NOTCH4: variants seen among roughly 807,000 people sequenced by gnomAD.
NOTCH4 encodes neurogenic locus notch homolog protein 4.
A neutral mutation model predicts 189.0 loss-of-function variants in NOTCH4; 138 were observed. That is an observed-to-expected ratio of 0.73 (90% CI 0.64 to 0.84). NOTCH4 has a LOEUF of 0.84. Ranked by LOEUF, NOTCH4 falls within the 40% of genes least tolerant of loss-of-function variation. NOTCH4 has a pLI of 0.00. For missense variants in NOTCH4, 2,286 were observed against 2,605.4 expected, an observed-to-expected ratio of 0.88 and a Z score of 2.67; for synonymous variants, 942 against 1,032.8, an observed-to-expected ratio of 0.91 and a Z score of 1.69.
chr6:32,195,428 T>C lies in NOTCH4; in HGVS notation c.*9A>G, dbSNP rs768985437. ...TCATTTTTGGAATTCCTCCCTACCA[T>C]GTATTCTTCTATTTTTTACCCTCTC... On this transcript the variant is annotated 3_prime_UTR_variant, in exon 30 of 30. Coordinates refer to ENST00000375023, the MANE Select transcript of NOTCH4 (RefSeq NM_004557.4). The surrounding 1 kb of genome is among the most constrained non-coding windows in gnomAD (Gnocchi z 5.4). 9 of 1,569,036 alleles carry C rather than the reference T, an allele frequency of 5.7e-6. No homozygotes were observed. The highest frequency in any genetic ancestry group is 5.6e-5 in the Admixed American group (3 of 53,922).
In NOTCH4 at chr6:32,216,977, G is replaced by A. The variant is rs113526716; in HGVS notation, c.1829C>T (p.Ala610Val). Residue 610 changes from alanine to valine, a missense_variant, in exon 11 of 30, where the codon GCC becomes GTC. Coordinates refer to ENST00000375023, the MANE Select transcript of NOTCH4 (RefSeq NM_004557.4). ...VGASCLDLPG[A>V]FFCLCPSGFT... ...ACCAGAGGGGCAGAGGCAAAAGAAG[G>A]CTCCTGGAAGATCAAGGCAGCTGGC... is the stretch of plus-strand genomic sequence containing the variant. 1 of 1,613,116 alleles carries A rather than the reference G, an allele frequency of 6.2e-7. No homozygotes were observed. Among genetic ancestry groups the A allele is most frequent in the African/African-American group, 1.3e-5 (1 of 75,062 alleles).
chr6:32,198,670 C>T lies in NOTCH4; in HGVS notation c.4596G>A (p.Glu1532=). ...TCACCTGGCCCACCTCCTCTCCCTC[C>T]TCAGGGCCTGAGCACATCACAACTC... ...EDGVVMCSGP[E]EGEEVGQAEE... is the part of the protein sequence containing the mutation. Residue 1532 remains glutamate, a synonymous_variant, in exon 25 of 30, where the codon GAG becomes GAA. Coordinates refer to ENST00000375023, the MANE Select transcript of NOTCH4 (RefSeq NM_004557.4). The surrounding 1 kb of genome is among the most constrained non-coding windows in gnomAD (Gnocchi z 5.5). 1 of 1,612,670 alleles carries T rather than the reference C, an allele frequency of 6.2e-7. No homozygotes were observed. The highest frequency in any genetic ancestry group is 1.1e-5 in the South Asian group (1 of 91,010).
chr6:32,197,144 C>A, intron 27 of NOTCH4, 72 bp from the exon 28 acceptor site: 2 of 1,562,872 alleles, frequency 1.3e-6, no homozygotes, highest in Non-Finnish European at 1.7e-6. Context: ...CACTATTAAC[C>A]CCACTCGCAA....
chr6:32,221,236 G>C lies in NOTCH4; in HGVS notation c.541C>G (p.His181Asp), dbSNP rs1428690048. ...TGGCCCTCGAAGCCCGGTGGGCAGT[G>C]GCACTGGATCTGGGGGTATGTGGCC... Reference protein sequence around the residue: ...CLATYPQIQCHCPPGFEGHAC... With the variant: ...CLATYPQIQCDCPPGFEGHAC... The change falls in exon 4 of 30, where the codon CAC becomes GAC. Residue 181 changes from histidine to aspartate, a missense_variant. Transcript: ENST00000375023. This position sits in a 1 kb window ranked among gnomAD's most constrained non-coding sequence, Gnocchi z 4.3. 6.2e-7 allele frequency: 1 copy of C among 1,612,976 alleles called. No individual in the cohort carries two copies. The highest frequency in any genetic ancestry group is 8.5e-7 in the Non-Finnish European group (1 of 1,180,022).
intron 7 of NOTCH4, 62 bp from the exon 8 acceptor site, chr6:32,219,848 A>T: frequency 2.9e-6 from 4 of 1,398,206 alleles, no homozygotes; most frequent in Non-Finnish European, 4.0e-6. Context: ...AGGAGGTGAG[A>T]CTGTCAGGGA....
rs774201468 is a variant in NOTCH4 at position 32,195,729 on chromosome 6, C to T, written c.5720G>A (p.Gly1907Glu). Residue 1907 changes from glycine to glutamate, a missense_variant, in exon 30 of 30, where the codon GGA becomes GAA. Transcript: ENST00000375023. This position sits in a 1 kb window ranked among gnomAD's most constrained non-coding sequence, Gnocchi z 5.4. ...CRSLSGVGAGGGPTPRGRRFS... is the reference protein window; with the variant it reads ...CRSLSGVGAGEGPTPRGRRFS... ...CCTACGGCCGCGAGGGGTCGGGCCT[C>T]CTCCTGCTCCTACTCCCGAGAGGCT... 15 of 1,612,632 alleles carry T rather than the reference C, an allele frequency of 9.3e-6. No homozygotes were observed. Among genetic ancestry groups the T allele is most frequent in the Non-Finnish European group, 1.3e-5 (15 of 1,179,924 alleles).
chr6:32,221,008 A>C lies in NOTCH4; in HGVS notation c.769T>G (p.Ser257Ala), dbSNP rs201225448. The change falls in exon 4 of 30, where the codon TCC (serine) becomes GCC (alanine). Residue 257 changes from serine (S) to alanine (A), a missense_variant. Ser to Ala is a moderately conservative substitution (Grantham distance 99). Around this residue, in one of 2 missense-constraint regions of NOTCH4, gnomAD observed 1,903 missense variants for 2,261.9 expected, o/e 0.84. Transcript: ENST00000375023. This position sits in a 1 kb window ranked among gnomAD's most constrained non-coding sequence, Gnocchi z 4.3. ...GGACAGAGGCAGAGGTGAAAGGTGG[A>C]GTCTTTCTCTGGCATCAGCTGGCAG... ...GTCQLMPEKD[S>A]TFHLCLCPPG... 381 of 1,606,202 alleles carry C rather than the reference A, an allele frequency of 2.4e-4. No homozygotes were observed. Among genetic ancestry groups the C allele is most frequent in the Non-Finnish European group, 3.2e-4 (371 of 1,175,134 alleles).
At position 32,201,258 on chromosome 6, in the gene NOTCH4, C is replaced by T. The variant is rs781289433; in HGVS notation, c.3998G>A (p.Arg1333His). ...GGGGTACACCATGTCCCTGCCATCA[C>T]GATCCTTCCTTACCCAGAGTCCTAC... ...LRVGLWVRKD[R>H]DGRDMVYPYP... The change falls in exon 22 of 30, where the codon CGT (arginine) becomes CAT (histidine). Residue 1333 changes from arginine to histidine, a missense_variant. Transcript: ENST00000375023. This position sits in a 1 kb window ranked among gnomAD's most constrained non-coding sequence, Gnocchi z 5.5. 6 of 1,613,066 alleles carry T rather than the reference C, an allele frequency of 3.7e-6. No homozygotes were observed. In the African/African-American group the frequency reaches 4.0e-5, roughly 11 times the overall value.
Position 32,201,675 on chromosome 6 carries a change from T to C in NOTCH4, c.3756-175A>G. The C allele has an allele frequency of 2.0e-6, 1 of 507,424 alleles. No individual in the cohort carries two copies. Among genetic ancestry groups the C allele is most frequent in the Non-Finnish European group, 3.3e-6 (1 of 307,030 alleles). The allele number at this position is 507,424 out of a possible 1,614,324, so 31.4% of individuals were successfully genotyped here. A position where few individuals can be genotyped will look rare whatever the true frequency, so the allele number is the denominator to read the frequency against. The stretch of plus-strand genomic sequence containing the variant: ...ATGGTAGTCCAGACACCCCAATGTC[T>C]GCTAACACCCCTGTCTCCCTAGACT... On this transcript the variant is annotated intron_variant, in intron 21 of 29. Transcript: ENST00000375023. The surrounding 1 kb of genome is among the most constrained non-coding windows in gnomAD (Gnocchi z 5.5).
Position 32,222,542 on chromosome 6 carries a change from G to A in NOTCH4, c.420C>T (p.Arg140=), listed in dbSNP as rs201860440. ...ATCCAGGCATGCAGGAGCACTGTGG[G>A]CGGCCCGAGGCCTGGATGTGGCAGC... ...RGRCHIQASG[R]PQCSCMPGWT... is the part of the protein sequence containing the mutation. Residue 140 remains arginine, a synonymous_variant, in exon 3 of 30, where the codon CGC becomes CGT. Coordinates refer to ENST00000375023, the MANE Select transcript of NOTCH4 (RefSeq NM_004557.4). 2 of 1,558,988 alleles carry A rather than the reference G, an allele frequency of 1.3e-6. No individual in the cohort carries two copies. Among genetic ancestry groups the A allele is most frequent in the Non-Finnish European group, 1.7e-6 (2 of 1,157,570 alleles).
Position 32,197,292 on chromosome 6 carries a change from T to C in NOTCH4, c.5052+7A>G. ...CATTCCCTGTAGGGACCTCAGTGTG[T>C]GCTAACCTGGCAGACCTCCCGAGCA... On this transcript the variant is annotated splice_region_variant and intron_variant, in intron 27 of 29. Coordinates refer to ENST00000375023, the MANE Select transcript of NOTCH4 (RefSeq NM_004557.4). 2 of 1,523,362 alleles carry C rather than the reference T, an allele frequency of 1.3e-6. No individual in the cohort carries two copies. Among genetic ancestry groups the C allele is most frequent in the East Asian group, 2.3e-5 (1 of 44,184 alleles). 94.4% of individuals were successfully genotyped at this position (1,523,362 alleles called of 1,614,324 possible).
chr6:32,209,359 G>A (rs1361035160), intron 18 of NOTCH4, among the ~76,000 whole-genome samples: 1 of 152,170 alleles, frequency 6.6e-6, no homozygotes, highest in Non-Finnish European at 1.5e-5. Context: ...AGGGTGGCAG[G>A]GAGGGGGAGA....
chr6:32,196,452 A>G, intron 28 of NOTCH4, 31 bp from the exon 29 acceptor site: 1 of 1,609,698 alleles, frequency 6.2e-7, no homozygotes, highest in Non-Finnish European at 8.5e-7. Flanking sequence ...TTGTTACCCC[A>G]GTTGGGGGCC....
In NOTCH4 at chr6:32,198,633, G is replaced by T. The variant is rs1361322333; in HGVS notation, c.4617+16C>A. ...CTTCCATCACCTCCAGACCATTCTT[G>T]CCCCAGCCCTTTCACCTGGCCCACC... On this transcript the variant is annotated intron_variant, in intron 25 of 29. Transcript: ENST00000375023. This position sits in a 1 kb window ranked among gnomAD's most constrained non-coding sequence, Gnocchi z 5.5. 4.3e-6 allele frequency: 7 copies of T among 1,610,934 alleles called. No individual in the cohort carries two copies. The highest frequency in any genetic ancestry group is 5.1e-6 in the Non-Finnish European group (6 of 1,178,992).
chr6:32,212,707 C>T lies in NOTCH4; in HGVS notation c.2527-80G>A. 2.0e-6 allele frequency: 3 copies of T among 1,514,434 alleles called. No homozygotes were observed. Among genetic ancestry groups the T allele is most frequent in the Non-Finnish European group, 8.9e-7 (1 of 1,122,006 alleles). The allele number at this position is 1,514,434 out of a possible 1,614,324, so 93.8% of individuals were successfully genotyped here. A position where few individuals can be genotyped will look rare whatever the true frequency, so the allele number is the denominator to read the frequency against. ...AGATGGTCCTCTGCCCACTCCAGCT[C>T]CTCGAAATCCCTTACTTCAAAAACC... is the stretch of plus-strand genomic sequence containing the variant. On this transcript the variant is annotated intron_variant, in intron 16 of 29. Transcript: ENST00000375023. This position sits in a 1 kb window ranked among gnomAD's most constrained non-coding sequence, Gnocchi z 4.4.
chr6:32,211,532 G>T (rs1329057605), intron 17 of NOTCH4, among the ~76,000 whole-genome samples: 1 of 151,986 alleles, frequency 6.6e-6, no homozygotes, highest in Non-Finnish European at 1.5e-5. Flanking sequence ...GGTGAAGGTT[G>T]CAGTGAGCCG....
chr6:32,195,297 G>C lies in NOTCH4; in HGVS notation c.*140C>G. On this transcript the variant is annotated 3_prime_UTR_variant, in exon 30 of 30. Coordinates refer to ENST00000375023, the MANE Select transcript of NOTCH4 (RefSeq NM_004557.4). The surrounding 1 kb of genome is among the most constrained non-coding windows in gnomAD (Gnocchi z 5.4). ...CTCCACGTGGAAGATGTCTGCTCTG[G>C]TGGGCATACATTCATTTTAGGAGAG... is the stretch of plus-strand genomic sequence containing the variant. The C allele has an allele frequency of 3.9e-6, 3 of 763,974 alleles. No individual in the cohort carries two copies. In the East Asian group the frequency reaches 8.2e-5, roughly 21 times the overall value. The allele number at this position is 763,974 out of a possible 1,614,324, so 47.3% of individuals were successfully genotyped here. A position where few individuals can be genotyped will look rare whatever the true frequency, so the allele number is the denominator to read the frequency against.
rs1361894132 is a variant in NOTCH4, at chr6:32,217,702, G to A, written c.1624+293C>T. 6.6e-6 allele frequency among the ~76,000 whole-genome samples: 1 copy of A among 152,206 alleles called. No homozygotes were observed. The highest frequency in any genetic ancestry group is 2.4e-5 in the African/African-American group (1 of 41,442). On this transcript the variant is annotated intron_variant, in intron 9 of 29. Transcript: ENST00000375023. The surrounding 1 kb of genome is among the most constrained non-coding windows in gnomAD (Gnocchi z 4.2). Reference sequence around the variant, plus strand: ...GGGCAGCTTTTGCTGGGTTTATGATGAGAGTGCCAAGACCAGCCTGGGACC... The same window carrying A: ...GGGCAGCTTTTGCTGGGTTTATGATAAGAGTGCCAAGACCAGCCTGGGACC...
rs35278224 is a variant in NOTCH4 at position 32,196,888 on chromosome 6, CT to C, written c.5200+36del. The C allele has an allele frequency of 0.062, 99,763 of 1,610,402 alleles. 4,397 individuals carry two copies. The highest frequency in any genetic ancestry group is 0.2 in the African/African-American group (14,747 of 74,896). On this transcript the variant is annotated intron_variant, in intron 28 of 29. Coordinates refer to ENST00000375023, the MANE Select transcript of NOTCH4 (RefSeq NM_004557.4). The stretch of plus-strand genomic sequence containing the variant: ...GCTATCTCCCACCCCATCTGCTCAA[CT>C]TCTCTATAGCATACATCACCCCTTC...
Sources: gnomAD v4.1 joint callset for allele counts (sites outside exome capture counted in the v4.1 genomes callset) on GRCh38, gnomAD v4.1.1 for gene constraint, gnomAD v4.1.1 regional missense constraint, Gnocchi (gnomAD v3.1) non-coding constraint, MANE v1.5 for transcripts, NCBI Gene and HGNC (gene_info 2026-07-23, HGNC 2026-07-21) for gene names.